Variants in FAT3 observed in about 807,000 individuals in gnomAD.
The protein encoded by FAT3 is FAT atypical cadherin 3, also known as protocadherin Fat 3.
A neutral mutation model predicts 310.2 loss-of-function variants in FAT3; 95 were observed. The ratio of observed to expected loss-of-function variants is 0.31; its 90% CI spans 0.26 to 0.36. The LOEUF (loss-of-function observed/expected upper bound fraction) is 0.36. Among genes scored for constraint, FAT3 ranks in the 10% least tolerant of loss-of-function variants. FAT3 has a pLI of 1.00. For missense variants in FAT3, 5,408 were observed against 5,715.6 expected, an observed-to-expected ratio of 0.95 and a Z score of 1.74; for synonymous variants, 2,314 against 2,192.9, an observed-to-expected ratio of 1.06 and a Z score of -1.54.
chr11:92,458,375 G>A (rs143797711), intron 2 of FAT3, among the ~76,000 whole-genome samples: 84 of 152,176 alleles, frequency 5.5e-4, no homozygotes, highest in African/African-American at 2.0e-3. Flanking sequence ...TGTATGTGGA[G>A]GTTTATATAG....
intron 4 of FAT3, among the ~76,000 whole-genome samples, chr11:92,708,915 C>A (rs182003633): frequency 3.5e-4 from 53 of 152,292 alleles, no homozygotes; most frequent in Middle Eastern, 3.4e-3. Context: ...ATGAGTCAAC[C>A]GTGGGTCTGG....
chr11:92,519,064 A>G (rs751124121), intron 2 of FAT3, among the ~76,000 whole-genome samples: 10 of 152,150 alleles, frequency 6.6e-5, no homozygotes, highest in Non-Finnish European at 1.0e-4. Flanking sequence ...TATAATTTAT[A>G]TAGAAATGCA....
intron 2 of FAT3, among the ~76,000 whole-genome samples, chr11:92,441,641 TAAAAACAAAACAAAA>T (rs61358824): frequency 0.08 from 12,192 of 152,076 alleles, 709 homozygotes; most frequent in African/African-American, 0.16. Context: ...GATTTAAAAC[TAAAAACAAAACAAAA>T]CAAAACAAAA....
chr11:92,686,563 A>C (rs1201082721), intron 3 of FAT3, among the ~76,000 whole-genome samples: 1 of 152,216 alleles, frequency 6.6e-6, no homozygotes, highest in African/African-American at 2.4e-5. Flanking sequence ...ATGTAAATAT[A>C]AATTTAAGAC....
At chr11:92,753,917 G>C (rs1945900082) in intron 4 of FAT3, among the ~76,000 whole-genome samples, 2 of 151,826 alleles carry the variant, frequency 1.3e-5, no homozygotes, top group Non-Finnish European at 2.9e-5. Context: ...ACCAAACATT[G>C]TATATTCTCA....
intron 3 of FAT3, chr11:92,559,510 G>A (rs1591448894): frequency 2.8e-6 from 1 of 359,880 alleles, no homozygotes; most frequent in Non-Finnish European, 5.6e-6. Flanking sequence ...TCAGCCTCTT[G>A]AGTAGCTGGG....
At chr11:92,359,734 GT>G (rs1350944579) in intron 2 of FAT3, among the ~76,000 whole-genome samples, 3 of 141,184 alleles carry the variant, frequency 2.1e-5, no homozygotes, top group African/African-American at 8.1e-5. Context: ...GCGGTGTTTG[GT>G]TTTTTGTTCT....
intron 3 of FAT3, among the ~76,000 whole-genome samples, chr11:92,674,849 G>T (rs958846721): frequency 6.6e-6 from 1 of 152,076 alleles, no homozygotes; most frequent in African/African-American, 2.4e-5. Flanking sequence ...CTTCTTCAAG[G>T]CATAAAATGA....
At chr11:92,439,778 C>A (rs1205329346) in intron 2 of FAT3, among the ~76,000 whole-genome samples, 1 of 151,910 alleles carries the variant, frequency 6.6e-6, no homozygotes, top group Non-Finnish European at 1.5e-5. Flanking sequence ...GAAAATTAGC[C>A]AGGCGTTTGT....
At chr11:92,534,511 TA>T (rs1405296242) in intron 3 of FAT3, among the ~76,000 whole-genome samples, 1 of 152,218 alleles carries the variant, frequency 6.6e-6, no homozygotes, top group African/African-American at 2.4e-5. Flanking sequence ...ATAGGTGTGT[TA>T]GGGGTTGAAT....
intron 1 of FAT3, among the ~76,000 whole-genome samples, chr11:92,307,555 A>G (rs1215844072): frequency 1.3e-5 from 2 of 152,126 alleles, no homozygotes; most frequent in Non-Finnish European, 2.9e-5. Flanking sequence ...GCAGCTGTAA[A>G]CAGCATCTAA....
chr11:92,741,406 G>A (rs1162403252), intron 4 of FAT3, among the ~76,000 whole-genome samples: 1 of 152,136 alleles, frequency 6.6e-6, no homozygotes, highest in Non-Finnish European at 1.5e-5. Flanking sequence ...GTGCATAAGT[G>A]ATTTGATGGA....
intron 1 of FAT3, among the ~76,000 whole-genome samples, chr11:92,315,510 T>TAGAGAGAGAGAGAGAG (rs1197551111): frequency 2.6e-5 from 2 of 78,144 alleles, no homozygotes; most frequent in Non-Finnish European, 4.8e-5. Flanking sequence ...TATATATATA[T>TAGAGAGAGAGAGAGAG]ATAGAGAGAG....
At chr11:92,672,156 A>ATGAATG (rs1254957239) in intron 3 of FAT3, among the ~76,000 whole-genome samples, 2 of 152,284 alleles carry the variant, frequency 1.3e-5, no homozygotes, top group Non-Finnish European at 1.5e-5. Context: ...TAAATAACGA[A>ATGAATG]TGAATGTGAT....
chr11:92,538,768 CAG>C (rs1954345549), intron 3 of FAT3, among the ~76,000 whole-genome samples: 1 of 152,080 alleles, frequency 6.6e-6, no homozygotes, highest in Non-Finnish European at 1.5e-5. Context: ...TACTGCCACA[CAG>C]CTTTAAAATG....
At chr11:92,741,938 C>G (rs763181706) in intron 4 of FAT3, among the ~76,000 whole-genome samples, 1 of 152,154 alleles carries the variant, frequency 6.6e-6, no homozygotes, top group East Asian at 1.9e-4. Flanking sequence ...ATTAAAATAG[C>G]ATGCTATTAG....
intron 7 of FAT3, among the ~76,000 whole-genome samples, 200 bp downstream of exon 7, chr11:92,774,380 G>A (rs531769307): frequency 6.6e-6 from 1 of 152,336 alleles, no homozygotes; most frequent in Non-Finnish European, 1.5e-5. Context: ...CTTTCAAGAA[G>A]TTGTGATTGA....
At chr11:92,700,288 G>C (rs544087034) in intron 4 of FAT3, among the ~76,000 whole-genome samples, 118 of 152,242 alleles carry the variant, frequency 7.8e-4, no homozygotes, top group South Asian at 4.8e-3. Flanking sequence ...TGGGAGCGGA[G>C]GTTATAGGAA....
At chr11:92,612,735 T>G (rs1157864436) in intron 3 of FAT3, among the ~76,000 whole-genome samples, 3 of 152,172 alleles carry the variant, frequency 2.0e-5, no homozygotes. Context: ...TGTGTGAAGT[T>G]TGCAGGTGGG....
Sources: allele counts gnomAD v4.1 joint callset (sites outside exome capture counted in the v4.1 genomes callset), GRCh38; gene constraint gnomAD v4.1.1; transcripts MANE v1.5; gene names NCBI Gene and HGNC (gene_info 2026-07-23, HGNC 2026-07-21).